PREX1: variants seen among roughly 807,000 people sequenced by gnomAD.
The protein encoded by PREX1 is phosphatidylinositol-3,4,5-trisphosphate dependent Rac exchange factor 1.
In PREX1, 41 loss-of-function variants were observed where a neutral mutation model predicts 198.3. The observed-to-expected ratio is 0.21, with a 90% CI of 0.16 to 0.27. The LOEUF is 0.27. PREX1 is among the 10% of genes least tolerant of loss of function. PREX1 has a pLI of 1.00. For synonymous variants in PREX1, 843 were observed against 887.2 expected, an observed-to-expected ratio of 0.95 and a Z score of 0.89; for missense variants, 1,620 against 2,200.7, an observed-to-expected ratio of 0.74 and a Z score of 5.28.
At chr20:48,798,841 T>C in intron 1 of PREX1, among the ~76,000 whole-genome samples, 1 of 152,222 alleles carries the variant, frequency 6.6e-6, no homozygotes, top group East Asian at 1.9e-4. Context: ...TGGGATTAAA[T>C]TGGAATCGCT....
chr20:48,771,840 G>A (rs1461314364), intron 1 of PREX1, among the ~76,000 whole-genome samples: 1 of 152,176 alleles, frequency 6.6e-6, no homozygotes, highest in African/African-American at 2.4e-5. Context: ...TAGCATAGAA[G>A]AAGCATTCAG....
At chr20:48,661,041 C>T (rs1234898792) in intron 15 of PREX1, among the ~76,000 whole-genome samples, 1 of 152,128 alleles carries the variant, frequency 6.6e-6, no homozygotes, top group African/African-American at 2.4e-5. Context: ...TGCTTTTGAG[C>T]CACAAGGACA....
intron 6 of PREX1, among the ~76,000 whole-genome samples, chr20:48,704,847 C>A (rs550009413): frequency 6.6e-6 from 1 of 152,260 alleles, no homozygotes; most frequent in South Asian, 2.1e-4. Flanking sequence ...TGAGCCACCG[C>A]GCCAGGCTTG....
intron 2 of PREX1, among the ~76,000 whole-genome samples, chr20:48,746,934 G>T (rs2090110242): frequency 7.1e-6 from 1 of 141,608 alleles, no homozygotes; most frequent in African/African-American, 2.6e-5. Flanking sequence ...TTAGATCCCA[G>T]TGCATGAACA....
At chr20:48,655,186 T>C (rs2089532620) in intron 19 of PREX1, 104 bp downstream of exon 19, 7 of 1,164,930 alleles carry the variant, frequency 6.0e-6, no homozygotes, top group Admixed American at 2.9e-5. Flanking sequence ...TGATGGTACA[T>C]TGTCTGGCAG....
In PREX1 at chr20:48,717,485, C is replaced by T. The variant is rs1601094171; in HGVS notation, c.621+8805G>A. On this transcript the variant is annotated intron_variant, in intron 5 of 39. Coordinates refer to ENST00000371941, the MANE Select transcript of PREX1 (RefSeq NM_020820.4). ...GCAAATGAAGAGGTGCTAAGGATAC[C>T]CACCACCACTTTAAAAAAAAAAAAA... 2.9e-5 allele frequency among the ~76,000 whole-genome samples: 4 copies of T among 137,986 alleles called. No homozygotes were observed. The South Asian group carries it at 9.9e-4, about 34-fold the overall frequency. 90.5% of individuals were successfully genotyped at this position (137,986 alleles called of 152,430 possible). A position where few individuals can be genotyped will look rare whatever the true frequency, so the allele number is the denominator to read the frequency against.
chr20:48,764,912 C>G (rs2090201658), intron 1 of PREX1, among the ~76,000 whole-genome samples: 1 of 151,962 alleles, frequency 6.6e-6, no homozygotes, highest in African/African-American at 2.4e-5. Context: ...CCAAGGAATG[C>G]AGGGGCCTCT....
At chr20:48,690,287 T>C (rs2089811389) in intron 9 of PREX1, among the ~76,000 whole-genome samples, 2 of 152,148 alleles carry the variant, frequency 1.3e-5, no homozygotes, top group Non-Finnish European at 1.5e-5. Flanking sequence ...TTTTGAAATG[T>C]GCTCAAATCC....
chr20:48,837,880 A>G, the PREX1 span, among the ~76,000 whole-genome samples: 1 of 152,182 alleles, frequency 6.6e-6, no homozygotes, highest in South Asian at 2.1e-4. Flanking sequence ...GAAAGAAAAA[A>G]AAAAAGAGTG....
At chr20:48,831,373 G>A (rs1392587787), upstream of PREX1, among the ~76,000 whole-genome samples, 1 of 152,188 alleles carries the variant, frequency 6.6e-6, no homozygotes, top group Non-Finnish European at 1.5e-5. Flanking sequence ...TTGGAGATCT[G>A]TTGTCAAGAG....
At chr20:48,728,157 T>TTGTGTGC (rs201662060) in intron 4 of PREX1, among the ~76,000 whole-genome samples, 6 of 152,226 alleles carry the variant, frequency 3.9e-5, no homozygotes, top group South Asian at 4.1e-4. Flanking sequence ...CAAATACACA[T>TTGTGTGC]TGTGTGCTGT....
At chr20:48,703,985 A>G (rs1444750376) in intron 6 of PREX1, among the ~76,000 whole-genome samples, 1 of 152,178 alleles carries the variant, frequency 6.6e-6, no homozygotes, top group Non-Finnish European at 1.5e-5. Flanking sequence ...CCTTCCAGAC[A>G]TGCACACTCA....
chr20:48,799,734 C>T (rs2123004525), intron 1 of PREX1, among the ~76,000 whole-genome samples: 1 of 152,234 alleles, frequency 6.6e-6, no homozygotes, highest in African/African-American at 2.4e-5. Context: ...GGCCTCTGTC[C>T]CCCCACAACA....
chr20:48,712,093 C>G (rs2089934320), intron 5 of PREX1, among the ~76,000 whole-genome samples: 1 of 152,216 alleles, frequency 6.6e-6, no homozygotes, highest in Admixed American at 6.5e-5. Flanking sequence ...ACAAAAGACC[C>G]CACCGTGTTG....
chr20:48,675,884 A>T (rs1337610213), intron 14 of PREX1, among the ~76,000 whole-genome samples: 1 of 152,112 alleles, frequency 6.6e-6, no homozygotes, highest in Non-Finnish European at 1.5e-5. Flanking sequence ...TAAAATTACA[A>T]AAATCAGCTG....
rs533138096 is a variant in PREX1, at chr20:48,625,756, G to A, written c.*129C>T. ...TGTCCCGGAAGGAGGCAGGGAGGAC[G>A]CTGGGCAGGTCCCGGAACGGGCGGC... On this transcript the variant is annotated 3_prime_UTR_variant, in exon 40 of 40. Coordinates refer to ENST00000371941, the MANE Select transcript of PREX1 (RefSeq NM_020820.4). 3.4e-5 allele frequency: 39 copies of A among 1,143,226 alleles called. No individual in the cohort carries two copies. Among genetic ancestry groups the A allele is most frequent in the Non-Finnish European group, 4.3e-5 (36 of 833,986 alleles). The allele number at this position is 1,143,226 out of a possible 1,614,324, so 70.8% of individuals were successfully genotyped here. A position where few individuals can be genotyped will look rare whatever the true frequency, so the allele number is the denominator to read the frequency against.
chr20:48,794,730 G>T (rs2090352760), intron 1 of PREX1, among the ~76,000 whole-genome samples: 1 of 152,220 alleles, frequency 6.6e-6, no homozygotes, highest in South Asian at 2.1e-4. Flanking sequence ...TCCCTAAGAG[G>T]GGCCCCGGCT....
the PREX1 span, among the ~76,000 whole-genome samples, chr20:48,877,040 C>T: frequency 1.3e-5 from 2 of 152,088 alleles, no homozygotes; most frequent in East Asian, 3.9e-4. Flanking sequence ...GAGGCTGAGA[C>T]GGGTGGATCA....
intron 6 of PREX1, among the ~76,000 whole-genome samples, chr20:48,707,993 G>C (rs1255773584): frequency 2.0e-5 from 3 of 152,196 alleles, no homozygotes; most frequent in Non-Finnish European, 2.9e-5. Flanking sequence ...ATAACAGGGG[G>C]TGGTGGGGAC....
Sources: gnomAD v4.1 joint callset for allele counts (sites outside exome capture counted in the v4.1 genomes callset) on GRCh38, gnomAD v4.1.1 for gene constraint, MANE v1.5 for transcripts, NCBI Gene and HGNC (gene_info 2026-07-23, HGNC 2026-07-21) for gene names.